Variants in SDK1 observed in about 807,000 individuals in gnomAD.
The protein encoded by SDK1 is protein sidekick-1.
Under a neutral mutation model 245.5 loss-of-function variants are expected in SDK1, and 157 were observed. The ratio of observed to expected loss-of-function variants is 0.64; its 90% CI spans 0.56 to 0.73. The LOEUF (loss-of-function observed/expected upper bound fraction) is 0.73. Ranked by LOEUF, SDK1 falls within the 30% of genes least tolerant of loss-of-function variation. The pLI, the probability that SDK1 is intolerant of heterozygous loss-of-function variation, is 0.00. For synonymous variants in SDK1, 1,647 were observed against 1,278.5 expected, an observed-to-expected ratio of 1.29 and a Z score of -6.15; for missense variants, 3,583 against 3,002.3, an observed-to-expected ratio of 1.19 and a Z score of -4.52.
At chr7:4,227,426 A>G (rs1401275625) in intron 40 of SDK1, 2 of 470,976 alleles carry the variant, frequency 4.2e-6, no homozygotes, top group African/African-American at 4.0e-5. Context: ...GATGGAAGGT[A>G]ACTGTCTTTT....
chr7:3,800,299 T>C (rs1011385167), intron 4 of SDK1, among the ~76,000 whole-genome samples: 1 of 152,190 alleles, frequency 6.6e-6, no homozygotes, highest in Non-Finnish European at 1.5e-5. Context: ...TATTCATTGG[T>C]GAGCATTTCT....
rs151297759 is a variant in SDK1 at position 4,138,617 on chromosome 7, C to G, written c.4228+6194C>G. On this transcript the variant is annotated intron_variant, in intron 28 of 44. Transcript: ENST00000404826. Reference sequence around the variant, plus strand: ...CAAAAATTAGCTGGGCATGTTGGCACACACCTGTAATCCCACCTACTTGGG... The same window carrying G: ...CAAAAATTAGCTGGGCATGTTGGCAGACACCTGTAATCCCACCTACTTGGG... Among the ~76,000 whole-genome samples, 831 of 151,928 alleles carry G rather than the reference C, an allele frequency of 5.5e-3. 11 individuals are homozygous for G. Among genetic ancestry groups the G allele is most frequent in the African/African-American group, 0.019 (804 of 41,396 alleles).
At chr7:3,626,023 A>G (rs1166766844) in intron 2 of SDK1, among the ~76,000 whole-genome samples, 1 of 144,534 alleles carries the variant, frequency 6.9e-6, no homozygotes, top group Non-Finnish European at 1.5e-5. Flanking sequence ...AGCTCATTGC[A>G]GCCTGGAACT....
chr7:3,528,181 G>C (rs1459215590), intron 1 of SDK1, among the ~76,000 whole-genome samples: 1 of 147,526 alleles, frequency 6.8e-6, no homozygotes, highest in Non-Finnish European at 1.5e-5. Flanking sequence ...GGGGTGAGTG[G>C]TGGGAGGTGA....
intron 5 of SDK1, among the ~76,000 whole-genome samples, chr7:3,892,588 A>G (rs1185688002): frequency 6.6e-6 from 1 of 152,222 alleles, no homozygotes; most frequent in Non-Finnish European, 1.5e-5. Context: ...TGAACAAGTG[A>G]TACAGTCTCT....
At chr7:3,846,219 C>T (rs1472192076) in intron 5 of SDK1, among the ~76,000 whole-genome samples, 1 of 151,986 alleles carries the variant, frequency 6.6e-6, no homozygotes, top group Non-Finnish European at 1.5e-5. Flanking sequence ...CACACACAGG[C>T]AAGGAAAAAT....
intron 35 of SDK1, among the ~76,000 whole-genome samples, chr7:4,198,564 C>A (rs115027279): frequency 6.6e-6 from 1 of 152,202 alleles, no homozygotes; most frequent in Non-Finnish European, 1.5e-5. Context: ...CCGCCACACC[C>A]GTGCATGTTG....
intron 4 of SDK1, among the ~76,000 whole-genome samples, chr7:3,791,173 A>G (rs947077568): frequency 6.6e-6 from 1 of 152,114 alleles, no homozygotes; most frequent in Non-Finnish European, 1.5e-5. Flanking sequence ...AACAAAAAAA[A>G]AAACACCTGT....
In SDK1 at chr7:4,157,676, G is replaced by A. The variant is rs550885601; in HGVS notation, c.4626-772G>A. Reference sequence around the variant, plus strand: ...ATGCTTGACAGGGATGTGGTCTTTTGTAAAGTGACATGTGAATATTGCCAT... The same window carrying A: ...ATGCTTGACAGGGATGTGGTCTTTTATAAAGTGACATGTGAATATTGCCAT... On this transcript the variant is annotated intron_variant, in intron 30 of 44. Coordinates refer to ENST00000404826, the MANE Select transcript of SDK1 (RefSeq NM_152744.4). Among the ~76,000 whole-genome samples the A allele has an allele frequency of 5.3e-5, 8 of 152,280 alleles. No homozygotes were observed. In the East Asian group the frequency reaches 5.8e-4, roughly 11 times the overall value.
intron 2 of SDK1, among the ~76,000 whole-genome samples, chr7:3,637,053 CAGAGAG>C (rs10577617): frequency 0.012 from 1,815 of 148,552 alleles, 39 homozygotes; most frequent in African/African-American, 0.036. Flanking sequence ...TTTCCTGATG[CAGAGAG>C]AGAGAGAGAG....
At chr7:3,757,300 A>C (rs956728827) in intron 4 of SDK1, among the ~76,000 whole-genome samples, 1 of 152,166 alleles carries the variant, frequency 6.6e-6, no homozygotes, top group South Asian at 2.1e-4. Context: ...TTTTTGAGAC[A>C]AGGTCTCTCT....
At chr7:4,247,686 G>C (rs532179255) in intron 44 of SDK1, among the ~76,000 whole-genome samples, 1 of 152,292 alleles carries the variant, frequency 6.6e-6, no homozygotes, top group South Asian at 2.1e-4. Flanking sequence ...TGTGCTGAGC[G>C]CTCGCTGCTG....
intron 1 of SDK1, among the ~76,000 whole-genome samples, chr7:3,497,684 G>A (rs1343066907): frequency 1.3e-5 from 2 of 152,078 alleles, no homozygotes; most frequent in East Asian, 1.9e-4. Context: ...GAGTAAAAGA[G>A]GTTTAAAAAT....
intron 5 of SDK1, among the ~76,000 whole-genome samples, chr7:3,948,590 A>C (rs970299216): frequency 6.6e-6 from 1 of 152,160 alleles, no homozygotes; most frequent in South Asian, 2.1e-4. Context: ...CTGTAGGTGA[A>C]TCAACACGAA....
intron 1 of SDK1, among the ~76,000 whole-genome samples, chr7:3,596,139 T>C (rs1781054789): frequency 6.6e-6 from 1 of 152,136 alleles, no homozygotes; most frequent in South Asian, 2.1e-4. Context: ...GCATTTCCTT[T>C]GTTGGTGCTC....
chr7:3,771,975 A>C (rs1263912626), intron 4 of SDK1, among the ~76,000 whole-genome samples: 1 of 151,954 alleles, frequency 6.6e-6, no homozygotes, highest in Non-Finnish European at 1.5e-5. Context: ...GAGTTTGTCT[A>C]CTCCGTGTAC....
intron 4 of SDK1, among the ~76,000 whole-genome samples, chr7:3,756,475 C>G (rs999753107): frequency 1.4e-4 from 21 of 152,142 alleles, no homozygotes; most frequent in Non-Finnish European, 2.9e-4. Context: ...TGTTTTAAAT[C>G]TGACTCCTTT....
chr7:4,074,890 A>ATATATATT (rs1780540436), intron 20 of SDK1, among the ~76,000 whole-genome samples: 1 of 67,360 alleles, frequency 1.5e-5, no homozygotes, highest in Non-Finnish European at 2.5e-5. Flanking sequence ...CTCTCTGTAT[A>ATATATATT]TATATATATA....
At chr7:3,470,321 C>A (rs1781140764) in intron 1 of SDK1, among the ~76,000 whole-genome samples, 1 of 152,158 alleles carries the variant, frequency 6.6e-6, no homozygotes, top group South Asian at 2.1e-4. Flanking sequence ...GGATCTGATA[C>A]ACTGTGTGCC....
Sources: gnomAD v4.1 joint callset for allele counts (sites outside exome capture counted in the v4.1 genomes callset) on GRCh38, gnomAD v4.1.1 for gene constraint, MANE v1.5 for transcripts, NCBI Gene and HGNC (gene_info 2026-07-23, HGNC 2026-07-21) for gene names.